FBXO34: variants seen among roughly 807,000 people sequenced by gnomAD.
FBXO34 encodes the protein F-box protein 34, also known as F-box only protein 34.
Under a neutral mutation model 24.5 loss-of-function variants are expected in FBXO34, and 12 were observed. The observed-to-expected ratio is 0.49, with a 90% CI of 0.31 to 0.79. The LOEUF (loss-of-function observed/expected upper bound fraction) is 0.79. FBXO34 is among the 30% of genes least tolerant of loss of function. The probability of loss-of-function intolerance (pLI) is 0.04; values close to 1 mark genes in which losing one functional copy is unlikely to be tolerated. For synonymous variants in FBXO34, 320 were observed against 311.9 expected, an observed-to-expected ratio of 1.03 and a Z score of -0.27; for missense variants, 823 against 857.7, an observed-to-expected ratio of 0.96 and a Z score of 0.51.
chr14:55,287,511 G>A (rs556309190), intron 1 of FBXO34, among the ~76,000 whole-genome samples: 19 of 152,272 alleles, frequency 1.2e-4, no homozygotes, highest in Admixed American at 5.2e-4. Context: ...GGGTAACTAA[G>A]CACAATAGCA....
intron 1 of FBXO34, among the ~76,000 whole-genome samples, chr14:55,317,244 A>G (rs1385500025): frequency 6.6e-6 from 1 of 152,182 alleles, no homozygotes. Context: ...AAATTTTGCA[A>G]GCCAGTTGCT....
chr14:55,431,627 G>T, the FBXO34 span, among the ~76,000 whole-genome samples: 1 of 152,182 alleles, frequency 6.6e-6, no homozygotes, highest in Non-Finnish European at 1.5e-5. Flanking sequence ...CAACATAAGA[G>T]AAAGTCCAGC....
chr14:55,298,886 G>A, intron 1 of FBXO34: 1 of 1,600,712 alleles, frequency 6.2e-7, no homozygotes, highest in South Asian at 1.1e-5. Context: ...AGTTCCAGCA[G>A]CAGGCCCTGG....
the FBXO34 span, among the ~76,000 whole-genome samples, chr14:55,438,017 G>GTA: frequency 1.3e-5 from 2 of 152,206 alleles, no homozygotes; most frequent in Non-Finnish European, 2.9e-5. Flanking sequence ...AGCAACTAAT[G>GTA]TAAAATTCAT....
intron 1 of FBXO34, among the ~76,000 whole-genome samples, chr14:55,288,377 G>A (rs774951921): frequency 3.3e-5 from 5 of 151,958 alleles, no homozygotes; most frequent in Non-Finnish European, 7.4e-5. Flanking sequence ...ACTAATCATA[G>A]CTGGGAAAAA....
chr14:55,322,658 TG>T (rs1883180421), intron 1 of FBXO34, among the ~76,000 whole-genome samples: 1 of 152,092 alleles, frequency 6.6e-6, no homozygotes, highest in African/African-American at 2.4e-5. Context: ...ATTAACCTTT[TG>T]TGCATATTGC....
the FBXO34 span, among the ~76,000 whole-genome samples, chr14:55,439,801 G>A: frequency 2.0e-5 from 3 of 151,580 alleles, no homozygotes; most frequent in Non-Finnish European, 2.9e-5. Flanking sequence ...CGTAGTGGCG[G>A]GCTCCTGTAG....
intron 1 of FBXO34, among the ~76,000 whole-genome samples, chr14:55,348,949 G>A (rs756603166): frequency 6.6e-6 from 1 of 152,162 alleles, no homozygotes; most frequent in Non-Finnish European, 1.5e-5. Flanking sequence ...TGTCTGAGAT[G>A]TATGTGTTCA....
intron 1 of FBXO34, chr14:55,299,313 TC>T (rs1882259294): frequency 3.4e-6 from 2 of 592,206 alleles, no homozygotes; most frequent in African/African-American, 3.8e-5. Context: ...TCCATCGCTC[TC>T]GACTCTCACT....
At chr14:55,395,615 T>C in the FBXO34 span, among the ~76,000 whole-genome samples, 1 of 152,238 alleles carries the variant, frequency 6.6e-6, no homozygotes, top group Non-Finnish European at 1.5e-5. Flanking sequence ...CCACCCATAT[T>C]TTCTTTGACA....
intron 1 of FBXO34, among the ~76,000 whole-genome samples, chr14:55,327,907 GGTTTTT>G (rs1883396611): frequency 1.1e-4 from 8 of 73,868 alleles, no homozygotes; most frequent in African/African-American, 4.1e-4. Context: ...TGTTGTTGTT[GGTTTTT>G]TTTTTTTTTT....
At chr14:55,389,591 C>T in the FBXO34 span, among the ~76,000 whole-genome samples, 1 of 152,198 alleles carries the variant, frequency 6.6e-6, no homozygotes, top group Non-Finnish European at 1.5e-5. Context: ...CTGATGGTGA[C>T]TCATTCTAAA....
rs762433091 is a variant in FBXO34, at chr14:55,351,335, A to T, written c.945A>T (p.Val315=). Residue 315 remains valine (V), a synonymous_variant, in exon 2 of 2, where the codon GTA becomes GTT. Transcript: ENST00000313833. ...NNSFRRNVGR[V]LLANSTQADE... is the part of the protein sequence containing the mutation. Reference sequence around the variant, plus strand: ...GCTTCCGTCGAAATGTGGGCAGAGTATTGCTTGCAAATAGCACTCAGGCTG... The same window carrying T: ...GCTTCCGTCGAAATGTGGGCAGAGTTTTGCTTGCAAATAGCACTCAGGCTG... 8 of 1,614,188 alleles carry T rather than the reference A, an allele frequency of 5.0e-6. No individual in the cohort carries two copies. The highest frequency in any genetic ancestry group is 3.4e-6 in the Non-Finnish European group (4 of 1,180,024).
intron 1 of FBXO34, among the ~76,000 whole-genome samples, chr14:55,328,298 A>C (rs1353160924): frequency 3.3e-5 from 5 of 152,116 alleles, no homozygotes; most frequent in African/African-American, 1.2e-4. Flanking sequence ...TGATCTTTTC[A>C]CTTGAAGGAA....
At chr14:55,432,891 A>C in the FBXO34 span, among the ~76,000 whole-genome samples, 2 of 152,208 alleles carry the variant, frequency 1.3e-5, no homozygotes, top group Non-Finnish European at 2.9e-5. Flanking sequence ...TTTTTAAGGG[A>C]TGCCTCCTGA....
chr14:55,411,910 GC>G, the FBXO34 span: 2 of 1,275,530 alleles, frequency 1.6e-6, no homozygotes, highest in African/African-American at 1.5e-5. Context: ...GGGAAGGGGG[GC>G]TGGGATGCCG....
chr14:55,300,394 C>T (rs1882308985), intron 1 of FBXO34, among the ~76,000 whole-genome samples: 2 of 152,108 alleles, frequency 1.3e-5, no homozygotes, highest in Admixed American at 1.3e-4. Flanking sequence ...AGTTCCAGAC[C>T]AGCGTGGCCA....
downstream of FBXO34, among the ~76,000 whole-genome samples, chr14:55,374,136 GCCTT>G (rs1340590564): frequency 1.3e-5 from 2 of 152,298 alleles, no homozygotes; most frequent in Non-Finnish European, 2.9e-5. Context: ...GATTCATCGA[GCCTT>G]CCTATTTTTG....
the FBXO34 span, among the ~76,000 whole-genome samples, chr14:55,420,911 A>G: frequency 2.0e-5 from 3 of 152,164 alleles, no homozygotes; most frequent in South Asian, 6.2e-4. Context: ...TACAAAAAAA[A>G]TTAGCTGGGC....
Sources: gnomAD v4.1 joint callset for allele counts (sites outside exome capture counted in the v4.1 genomes callset) on GRCh38, gnomAD v4.1.1 for gene constraint, MANE v1.5 for transcripts, NCBI Gene and HGNC (gene_info 2026-07-23, HGNC 2026-07-21) for gene names.